The following ITGA2 variants were observed in gnomAD, a reference collection of about 807,000 sequenced individuals.
ITGA2 encodes the protein integrin subunit alpha 2, also known as integrin alpha-2.
A neutral mutation model predicts 146.3 loss-of-function variants in ITGA2; 101 were observed. That is an observed-to-expected ratio of 0.69 (90% CI 0.59 to 0.81). The LOEUF (loss-of-function observed/expected upper bound fraction) is 0.81, where lower values mean the gene tolerates loss of function less well. Among genes scored for constraint, ITGA2 ranks in the 40% least tolerant of loss-of-function variants. ITGA2 has a pLI of 0.00. For missense variants in ITGA2, 1,281 were observed against 1,402.7 expected, an observed-to-expected ratio of 0.91 and a Z score of 1.39; for synonymous variants, 477 against 487.1, an observed-to-expected ratio of 0.98 and a Z score of 0.27.
intron 13 of ITGA2, among the ~76,000 whole-genome samples, 200 bp downstream of exon 13, chr5:53,063,129 T>C (rs1308227664): frequency 6.6e-6 from 1 of 151,906 alleles, no homozygotes; most frequent in Non-Finnish European, 1.5e-5. Flanking sequence ...GTTGAATGTA[T>C]AGTGTACTGC....
Position 52,990,568 on chromosome 5 carries a change from G to GT in ITGA2, c.64+1054dup, listed in dbSNP as rs59093202. ...TCTCTGATTTTAAAGTGTGTGTGTG[G>GT]TTTTTTTTTTTTTTTTTTACAAAGA... On this transcript the variant is annotated intron_variant, in intron 1 of 29. Transcript: ENST00000296585. 1.3e-3 allele frequency among the ~76,000 whole-genome samples: 186 copies of GT among 143,992 alleles called. 1 individual carries two copies. The highest frequency in any genetic ancestry group is 7.1e-3 in the Middle Eastern group (2 of 282). The allele number at this position is 143,992 out of a possible 152,430, so 94.5% of individuals were successfully genotyped here. A position where few individuals can be genotyped will look rare whatever the true frequency, so the allele number is the denominator to read the frequency against.
intron 26 of ITGA2, among the ~76,000 whole-genome samples, chr5:53,082,510 A>T (rs1043046467): frequency 3.3e-5 from 5 of 152,174 alleles, no homozygotes; most frequent in African/African-American, 1.2e-4. Context: ...ATAGATTTTC[A>T]ATTAATGACT....
chr5:53,056,154 A>G lies in ITGA2; in HGVS notation c.1096+5A>G. The G allele has an allele frequency of 6.2e-7, 1 of 1,610,046 alleles. No homozygotes were observed. Among genetic ancestry groups the G allele is most frequent in the Non-Finnish European group, 8.5e-7 (1 of 1,177,654 alleles). On this transcript the variant is annotated splice_donor_5th_base_variant and intron_variant, in intron 9 of 29. Coordinates refer to ENST00000296585, the MANE Select transcript of ITGA2 (RefSeq NM_002203.4). ...AACAAATTTTCAGCATTGAAGGTAA[A>G]AAAAATAACCTCCTTTCAAGAATTT...
intron 6 of ITGA2, among the ~76,000 whole-genome samples, chr5:53,050,930 A>G (rs1291508078): frequency 6.6e-6 from 1 of 152,222 alleles, no homozygotes; most frequent in East Asian, 1.9e-4. Context: ...GATTAGGAGC[A>G]CATTGGTTTT....
chr5:53,087,312 A>G (rs1018387358), intron 28 of ITGA2, among the ~76,000 whole-genome samples: 2 of 152,178 alleles, frequency 1.3e-5, no homozygotes, highest in Admixed American at 1.3e-4. Context: ...GTACAACAAA[A>G]GGGGCTCTAT....
At chr5:53,076,177 C>T (rs1255662468) in intron 23 of ITGA2, among the ~76,000 whole-genome samples, 1 of 151,970 alleles carries the variant, frequency 6.6e-6, no homozygotes, top group Non-Finnish European at 1.5e-5. Flanking sequence ...GCCTGGGAAC[C>T]AGAGTTCTCT....
intron 6 of ITGA2, among the ~76,000 whole-genome samples, chr5:53,050,251 T>C (rs1259731830): frequency 6.6e-6 from 1 of 152,154 alleles, no homozygotes; most frequent in African/African-American, 2.4e-5. Flanking sequence ...CTAGAAGTGG[T>C]TTAACTCAAT....
chr5:53,060,933 A>AGCACTCACT lies in ITGA2; in HGVS notation c.1346_1354dup (p.His451_Phe452insCysThrHis). ...TGTGGCTGCAATTTCTACTGGAGAA[A>AGCACTCACT]GCACTCACTTTGTTGCTGGTGCTCC... On this transcript the variant is annotated inframe_insertion, in exon 12 of 30. Transcript: ENST00000296585. 6.2e-7 allele frequency: 1 copy of AGCACTCACT among 1,612,490 alleles called. No individual in the cohort carries two copies.
At chr5:53,079,344 A>G (rs1745806613) in intron 24 of ITGA2, among the ~76,000 whole-genome samples, 1 of 152,124 alleles carries the variant, frequency 6.6e-6, no homozygotes, top group African/African-American at 2.4e-5. Context: ...ATTTATCCTC[A>G]GAGACCACTT....
At position 53,081,770 on chromosome 5, in the gene ITGA2, C is replaced by A. The variant is rs1048579118; in HGVS notation, c.3144+74C>A. On this transcript the variant is annotated intron_variant, in intron 26 of 29. Coordinates refer to ENST00000296585, the MANE Select transcript of ITGA2 (RefSeq NM_002203.4). ...CTGTGATCAGGACGCTGCTTTTCTC[C>A]TACCAGCTGATATCATAGAGCTTTC... The A allele has an allele frequency of 5.0e-6, 5 of 993,206 alleles. No homozygotes were observed. The African/African-American group carries it at 8.1e-5, about 16-fold the overall frequency. 61.5% of individuals were successfully genotyped at this position (993,206 alleles called of 1,614,324 possible).
chr5:53,069,990 A>G (rs1439641708), intron 16 of ITGA2, 119 bp from the exon 17 acceptor site: 1 of 790,004 alleles, frequency 1.3e-6, no homozygotes, highest in African/African-American at 1.7e-5. Flanking sequence ...CAATATGAAG[A>G]CTATTTCCAT....
intron 4 of ITGA2, among the ~76,000 whole-genome samples, chr5:53,046,888 A>G (rs1488571889): frequency 1.3e-5 from 2 of 152,106 alleles, no homozygotes; most frequent in South Asian, 2.1e-4. Context: ...TTTAATTTCA[A>G]CTTCTTAATG....
At chr5:53,022,515 CA>C (rs1742739466) in intron 1 of ITGA2, among the ~76,000 whole-genome samples, 1 of 151,952 alleles carries the variant, frequency 6.6e-6, no homozygotes, top group Non-Finnish European at 1.5e-5. Context: ...TTATTGTTTC[CA>C]AAAAAATTAT....
At chr5:53,059,807 C>A in intron 10 of ITGA2, 67 bp from the exon 11 acceptor site, 1 of 1,420,710 alleles carries the variant, frequency 7.0e-7, no homozygotes, top group Non-Finnish European at 9.9e-7. Context: ...CAATGTTTTG[C>A]CTACCCTGCA....
chr5:53,074,549 A>G (rs1745570795), intron 21 of ITGA2, 72 bp downstream of exon 21: 4 of 1,158,764 alleles, frequency 3.5e-6, no homozygotes, highest in Admixed American at 1.8e-5. Context: ...CCAACATAAC[A>G]TCTTGCTATC....
At chr5:53,066,542 A>G (rs1745153426) in intron 15 of ITGA2, among the ~76,000 whole-genome samples, 1 of 151,902 alleles carries the variant, frequency 6.6e-6, no homozygotes, top group Admixed American at 6.6e-5. Context: ...TAGAATCAGA[A>G]AGAAGTTGTT....
intron 1 of ITGA2, among the ~76,000 whole-genome samples, chr5:52,997,664 A>G (rs916000589): frequency 2.0e-5 from 3 of 152,176 alleles, no homozygotes; most frequent in African/African-American, 7.2e-5. Context: ...ACCATGTAGA[A>G]ATGCAGACTG....
At chr5:53,032,869 A>G (rs1743289078) in intron 2 of ITGA2, among the ~76,000 whole-genome samples, 1 of 151,640 alleles carries the variant, frequency 6.6e-6, no homozygotes, top group African/African-American at 2.4e-5. Flanking sequence ...CTTCCCCACC[A>G]CTCCCTGGGT....
At chr5:53,054,784 G>A (rs1744552500) in intron 7 of ITGA2, among the ~76,000 whole-genome samples, 1 of 151,990 alleles carries the variant, frequency 6.6e-6, no homozygotes, top group African/African-American at 2.4e-5. Context: ...GACTCAGGGG[G>A]GAAATGGTGG....
Sources: gnomAD v4.1 joint callset for allele counts (sites outside exome capture counted in the v4.1 genomes callset) on GRCh38, gnomAD v4.1.1 for gene constraint, MANE v1.5 for transcripts, NCBI Gene and HGNC (gene_info 2026-07-23, HGNC 2026-07-21) for gene names.